CNOT9: variants seen among roughly 807,000 people sequenced by gnomAD.
CNOT9 encodes RCD1 required for cell differentiation1 homolog.
Under a neutral mutation model 37.4 loss-of-function variants are expected in CNOT9, and 8 were observed. The ratio of observed to expected loss-of-function variants is 0.21; its 90% CI spans 0.13 to 0.39. The LOEUF (loss-of-function observed/expected upper bound fraction) is 0.39. Ranked by LOEUF, CNOT9 falls within the 10% of genes least tolerant of loss-of-function variation. The pLI is 1.00. For missense variants in CNOT9, 154 were observed against 365.3 expected, an observed-to-expected ratio of 0.42 and a Z score of 4.71; for synonymous variants, 120 against 137.6, an observed-to-expected ratio of 0.87 and a Z score of 0.90.
intron 5 of CNOT9, among the ~76,000 whole-genome samples, chr2:218,591,743 AAAAAAAAAAAAG>A (rs1694782661): frequency 6.9e-6 from 1 of 145,838 alleles, no homozygotes; most frequent in Non-Finnish European, 1.5e-5. Flanking sequence ...ACTCCATCTA[AAAAAAAAAAAAG>A]AAAAGAAAAA....
chr2:218,591,628 A>G (rs1188393316), intron 5 of CNOT9, among the ~76,000 whole-genome samples: 2 of 152,088 alleles, frequency 1.3e-5, no homozygotes, highest in African/African-American at 4.8e-5. Flanking sequence ...CTGTAATCCT[A>G]GCTACTCGGG....
At chr2:218,586,579 C>G (rs963561610) in intron 4 of CNOT9, among the ~76,000 whole-genome samples, 2 of 151,822 alleles carry the variant, frequency 1.3e-5, no homozygotes, top group African/African-American at 4.8e-5. Flanking sequence ...CCCTCCGCCT[C>G]CTGGGTTCTA....
chr2:218,592,770 C>A lies in CNOT9; in HGVS notation c.731+63C>A. ...ACTCTGCTGAACAGTTTCCTAATCT[C>A]ATGGCATAGCTCCTGTGTCTTTAGG... On this transcript the variant is annotated intron_variant, in intron 7 of 7. Coordinates refer to ENST00000273064, the MANE Select transcript of CNOT9 (RefSeq NM_005444.3). This position sits in a 1 kb window ranked among gnomAD's most constrained non-coding sequence, Gnocchi z 4.1. 1 of 1,264,628 alleles carries A rather than the reference C, an allele frequency of 7.9e-7. No individual in the cohort carries two copies. The highest frequency in any genetic ancestry group is 1.2e-5 in the South Asian group (1 of 83,654). The allele number at this position is 1,264,628 out of a possible 1,614,324, so 78.3% of individuals were successfully genotyped here. A position where few individuals can be genotyped will look rare whatever the true frequency, so the allele number is the denominator to read the frequency against.
At chr2:218,588,135 T>C (rs1559249478) in intron 5 of CNOT9, among the ~76,000 whole-genome samples, 1 of 152,180 alleles carries the variant, frequency 6.6e-6, no homozygotes. Flanking sequence ...CAGACCTCCA[T>C]TGCCATAGTC....
In CNOT9 at chr2:218,596,890, C is replaced by T. The variant is rs1694940728; in HGVS notation, c.*2614C>T. ...GGGACACAGCTGCCCTATGCTTCCA[C>T]GTTCTTTTTTCAAGAGCCTTAGAGG... On this transcript the variant is annotated 3_prime_UTR_variant, in exon 8 of 8. Transcript: ENST00000273064. The T allele has an allele frequency of 6.6e-6, 1 of 152,162 alleles. No individual in the cohort carries two copies. Among genetic ancestry groups the T allele is most frequent in the Non-Finnish European group, 1.5e-5 (1 of 68,036 alleles). The allele number at this position is 152,162 out of a possible 1,614,324, so 9.4% of individuals were successfully genotyped here.
chr2:218,584,782 G>C, intron 4 of CNOT9, 61 bp downstream of exon 4: 4 of 1,203,720 alleles, frequency 3.3e-6, no homozygotes, highest in Non-Finnish European at 4.9e-6. Context: ...TAAGTTGGGT[G>C]TTTTGTCTTG....
chr2:218,584,179 A>C (rs1421427556), intron 3 of CNOT9, among the ~76,000 whole-genome samples: 1 of 152,150 alleles, frequency 6.6e-6, no homozygotes, highest in Non-Finnish European at 1.5e-5. Context: ...CTTTTTGCTG[A>C]TTACAGGGAA....
At chr2:218,575,918 A>C (rs1475567649) in intron 1 of CNOT9, among the ~76,000 whole-genome samples, 1 of 152,182 alleles carries the variant, frequency 6.6e-6, no homozygotes, top group Non-Finnish European at 1.5e-5. Flanking sequence ...AAAAATTCAA[A>C]GAGTTGTAGC....
At chr2:218,584,068 G>A (rs1183889605) in intron 3 of CNOT9, among the ~76,000 whole-genome samples, 1 of 152,160 alleles carries the variant, frequency 6.6e-6, no homozygotes, top group Non-Finnish European at 1.5e-5. Context: ...CATAGGTGAG[G>A]GAGATAATCT....
intron 3 of CNOT9, 76 bp from the exon 4 acceptor site, chr2:218,584,536 C>T: frequency 1.9e-6 from 2 of 1,029,900 alleles, no homozygotes; most frequent in South Asian, 2.5e-5. Context: ...ACAGAATTAA[C>T]CACCTAGAAA....
At chr2:218,569,079 T>A in intron 1 of CNOT9, 101 bp downstream of exon 1, 1 of 1,321,794 alleles carries the variant, frequency 7.6e-7, no homozygotes, top group Non-Finnish European at 1.1e-6. Context: ...AGTCTGATTT[T>A]TTTCTGCCCT....
In CNOT9 at chr2:218,583,098, G is replaced by A; in HGVS notation, c.320+12G>A. 6 of 1,552,526 alleles carry A rather than the reference G, an allele frequency of 3.9e-6. No individual in the cohort carries two copies. The highest frequency in any genetic ancestry group is 5.3e-6 in the Non-Finnish European group (6 of 1,124,722). On this transcript the variant is annotated intron_variant, in intron 3 of 7. Transcript: ENST00000273064. ...CATCCAGAAACCAGGTAAATGCTTT[G>A]GGTGAGTCACTTGGGGGAGATATAC...
rs538858178 is a variant in CNOT9 at position 218,593,431 on chromosome 2, T to G, written c.732-677T>G. 1.2e-5 allele frequency: 8 copies of G among 688,208 alleles called. No individual in the cohort carries two copies. The Admixed American group carries it at 2.7e-4, about 23-fold the overall frequency. 42.6% of individuals were successfully genotyped at this position (688,208 alleles called of 1,614,324 possible). A position where few individuals can be genotyped will look rare whatever the true frequency, so the allele number is the denominator to read the frequency against. Reference sequence around the variant, plus strand: ...CACTAAAGTTTAAAAATGTGTTTATTTAAAATTCTACTTGTACAAAGAAAA... The same window carrying G: ...CACTAAAGTTTAAAAATGTGTTTATGTAAAATTCTACTTGTACAAAGAAAA... On this transcript the variant is annotated intron_variant, in intron 7 of 7. Coordinates refer to ENST00000273064, the MANE Select transcript of CNOT9 (RefSeq NM_005444.3).
intron 5 of CNOT9, among the ~76,000 whole-genome samples, chr2:218,591,693 A>T (rs1436976835): frequency 6.6e-6 from 1 of 151,892 alleles, no homozygotes; most frequent in African/African-American, 2.4e-5. Context: ...CAGTGAGCTG[A>T]AATGGAGCCA....
chr2:218,586,009 A>G (rs1694584357), intron 4 of CNOT9, among the ~76,000 whole-genome samples: 1 of 152,216 alleles, frequency 6.6e-6, no homozygotes, highest in Non-Finnish European at 1.5e-5. Flanking sequence ...ATCTTTAAAA[A>G]TATATGCATG....
chr2:218,592,309 C>T lies in CNOT9; in HGVS notation c.546C>T (p.Ala182=), dbSNP rs371702275. 1.1e-5 allele frequency: 18 copies of T among 1,612,356 alleles called. No homozygotes were observed. The highest frequency in any genetic ancestry group is 1.4e-5 in the Non-Finnish European group (16 of 1,179,118). Residue 182 remains alanine, a synonymous_variant, in exon 6 of 8, where the codon GCC becomes GCT. Transcript: ENST00000273064. This position sits in a 1 kb window ranked among gnomAD's most constrained non-coding sequence, Gnocchi z 4.1. ...ESGSELSKTV[A]TFILQKILLD... is the part of the protein sequence containing the mutation. ...TCGATTTTGTTTTGCTTCAGGTTGC[C>T]ACATTCATCCTCCAGAAGATCTTGT...
At chr2:218,584,290 G>T (rs968473398) in intron 3 of CNOT9, among the ~76,000 whole-genome samples, 1 of 152,120 alleles carries the variant, frequency 6.6e-6, no homozygotes, top group Non-Finnish European at 1.5e-5. Context: ...GAAAGGAGAG[G>T]GCAGGAGAGG....
Position 218,592,932 on chromosome 2 carries a change from CAG to C in CNOT9, c.731+230_731+231del, listed in dbSNP as rs1694828506. ...AACTCTCCATCCTACTGTGAAATTC[CAG>C]AGAGTCTAGGCGATTCCAAAGGAAA... is the stretch of plus-strand genomic sequence containing the variant. On this transcript the variant is annotated intron_variant, in intron 7 of 7. Coordinates refer to ENST00000273064, the MANE Select transcript of CNOT9 (RefSeq NM_005444.3). The surrounding 1 kb of genome is among the most constrained non-coding windows in gnomAD (Gnocchi z 4.1). 4 of 551,684 alleles carry C rather than the reference CAG, an allele frequency of 7.3e-6. No individual in the cohort carries two copies. The highest frequency in any genetic ancestry group is 4.2e-5 in the South Asian group (2 of 47,654). The allele number at this position is 551,684 out of a possible 1,614,324, so 34.2% of individuals were successfully genotyped here.
chr2:218,574,470 AG>A (rs1325438896), intron 1 of CNOT9, among the ~76,000 whole-genome samples: 1 of 152,126 alleles, frequency 6.6e-6, no homozygotes, highest in Non-Finnish European at 1.5e-5. Context: ...AATTTAAGAA[AG>A]TTTTTTTGGG....
Sources: allele counts gnomAD v4.1 joint callset (sites outside exome capture counted in the v4.1 genomes callset), GRCh38; gene constraint gnomAD v4.1.1; non-coding constraint Gnocchi (gnomAD v3.1); transcripts MANE v1.5; gene names NCBI Gene and HGNC (gene_info 2026-07-23, HGNC 2026-07-21).